HMCN1: variants seen among roughly 807,000 people sequenced by gnomAD.
HMCN1 encodes hemicentin 1, also known as hemicentin-1.
In HMCN1, 321 loss-of-function variants were observed where a neutral mutation model predicts 625.9. The observed-to-expected ratio is 0.51, with a 90% CI of 0.47 to 0.56. HMCN1 has a LOEUF of 0.56. HMCN1 is among the 20% of genes least tolerant of loss of function. HMCN1 has a pLI of 0.00. For missense variants in HMCN1, 6,588 were observed against 6,887.3 expected (o/e 0.96, Z 1.54); for synonymous variants, 2,425 against 2,417.6 (o/e 1.00, Z -0.09).
chr1:186,151,368 C>T lies in HMCN1; in HGVS notation c.14758+19C>T. 6.2e-7 allele frequency: 1 copy of T among 1,608,876 alleles called. No individual in the cohort carries two copies. Among genetic ancestry groups the T allele is most frequent in the East Asian group, 2.2e-5 (1 of 44,788 alleles). On this transcript the variant is annotated intron_variant, in intron 94 of 106. Coordinates refer to ENST00000271588, the MANE Select transcript of HMCN1 (RefSeq NM_031935.3). ...AGTCTTGGTAAGTCTTTGCCTCAAG[C>T]CTCTTTTTAAAAACTTATATATTAT...
intron 4 of HMCN1, among the ~76,000 whole-genome samples, chr1:185,902,417 A>ATCTATCTATC (rs1665867075): frequency 7.5e-6 from 1 of 132,966 alleles, no homozygotes; most frequent in African/African-American, 4.0e-5. Flanking sequence ...CTATCTATCT[A>ATCTATCTATC]TCTATCTATC....
intron 83 of HMCN1, 78 bp from the exon 84 acceptor site, chr1:186,129,888 A>G (rs1661835860): frequency 6.4e-7 from 1 of 1,558,492 alleles, no homozygotes; most frequent in African/African-American, 1.4e-5. Context: ...CATAAATCTA[A>G]TGTGCAAAAT....
chr1:186,160,340 T>G (rs1274053862), intron 97 of HMCN1, among the ~76,000 whole-genome samples: 12 of 148,842 alleles, frequency 8.1e-5, no homozygotes, highest in Non-Finnish European at 1.3e-4. Flanking sequence ...GCTAGTGGTC[T>G]ATCAATTTTG....
intron 60 of HMCN1, 64 bp from the exon 61 acceptor site, chr1:186,087,868 C>A: frequency 7.0e-7 from 1 of 1,422,984 alleles, no homozygotes; most frequent in Non-Finnish European, 9.9e-7. Flanking sequence ...AATCTAAACT[C>A]GAACAGTATG....
At position 185,734,907 on chromosome 1, in the gene HMCN1, C is replaced by T; in HGVS notation, c.128C>T (p.Ala43Val). The T allele has an allele frequency of 1.2e-6, 2 of 1,614,126 alleles. No homozygotes were observed. Among genetic ancestry groups the T allele is most frequent in the Non-Finnish European group, 8.5e-7 (1 of 1,180,022 alleles). The change falls in exon 1 of 107, where the codon GCT becomes GTT. Residue 43 changes from alanine to valine, a missense_variant. By Grantham distance (64) the Ala-to-Val change is moderately conservative. Transcript: ENST00000271588. ...ATTCCCGAGGGGGCCTCCACGTTGG[C>T]TTTTGTGTTTGATGTGACTGGTTCT... ...EEIPEGASTLAFVFDVTGSMY... is the reference protein window; with the variant it reads ...EEIPEGASTLVFVFDVTGSMY...
intron 97 of HMCN1, among the ~76,000 whole-genome samples, chr1:186,154,291 CA>C (rs1419606605): frequency 1.3e-5 from 2 of 152,158 alleles, no homozygotes; most frequent in African/African-American, 4.8e-5. Context: ...CCTGTAATCC[CA>C]GCACTTTGGG....
Position 186,136,706 on chromosome 1 carries a change from A to G in HMCN1, c.13351A>G (p.Ile4451Val), listed in dbSNP as rs747563456. 1.3e-5 allele frequency: 21 copies of G among 1,613,964 alleles called. No homozygotes were observed. The highest frequency in any genetic ancestry group is 1.7e-5 in the Non-Finnish European group (20 of 1,179,882). Residue 4451 changes from isoleucine (I) to valine (V), a missense_variant, in exon 87 of 107, where the codon ATT becomes GTT. Ile to Val is a conservative substitution (Grantham distance 29). Coordinates refer to ENST00000271588, the MANE Select transcript of HMCN1 (RefSeq NM_031935.3). ...IITLEPVETVINAGGKIILNC... is the reference protein window; with the variant it reads ...IITLEPVETVVNAGGKIILNC... Reference sequence around the variant, plus strand: ...CACTCTTGAGCCAGTGGAAACTGTTATTAATGCTGGTGGCAAAATCATATT... The same window carrying G: ...CACTCTTGAGCCAGTGGAAACTGTTGTTAATGCTGGTGGCAAAATCATATT...
At chr1:185,835,716 A>G (rs1661125410) in intron 1 of HMCN1, among the ~76,000 whole-genome samples, 1 of 152,192 alleles carries the variant, frequency 6.6e-6, no homozygotes, top group African/African-American at 2.4e-5. Context: ...ATTTACAATT[A>G]TATTGGATAT....
chr1:186,070,618 C>T lies in HMCN1; in HGVS notation c.8000C>T (p.Pro2667Leu). The T allele has an allele frequency of 6.2e-7, 1 of 1,611,798 alleles. No individual in the cohort carries two copies. Among genetic ancestry groups the T allele is most frequent in the Non-Finnish European group, 8.5e-7 (1 of 1,178,002 alleles). ...KHYEVKVYIP[P>L]IINKGDLWGP... ...TAATATTTATTTTATGCAGTTCCACCCATAATCAATAAAGGGGACCTTTGG... is the reference window on the plus strand; with the variant it reads ...TAATATTTATTTTATGCAGTTCCACTCATAATCAATAAAGGGGACCTTTGG... Residue 2667 changes from proline (P) to leucine (L), a missense_variant, in exon 52 of 107, where the codon CCC becomes CTC. By Grantham distance (98) the Pro-to-Leu change is moderately conservative. This residue lies in a region of HMCN1 where 4,628 missense variants were observed against 4,853.1 expected (regional missense o/e 0.95). Transcript: ENST00000271588.
intron 1 of HMCN1, among the ~76,000 whole-genome samples, chr1:185,818,324 A>G (rs1659969142): frequency 6.6e-6 from 1 of 152,110 alleles, no homozygotes; most frequent in Non-Finnish European, 1.5e-5. Context: ...TATTGAGTTG[A>G]AATCTGTTTG....
At chr1:186,156,694 G>A (rs567989555) in intron 97 of HMCN1, among the ~76,000 whole-genome samples, 16 of 152,252 alleles carry the variant, frequency 1.1e-4, no homozygotes, top group African/African-American at 3.6e-4. Flanking sequence ...TGCTTAGGAA[G>A]TTTTATCCAC....
chr1:186,077,730 G>A (rs1658916197), intron 54 of HMCN1, among the ~76,000 whole-genome samples: 1 of 152,132 alleles, frequency 6.6e-6, no homozygotes, highest in Non-Finnish European at 1.5e-5. Flanking sequence ...CTTGGATATT[G>A]CTTTCTCAAA....
chr1:185,936,411 G>A (rs1463862154), intron 11 of HMCN1, among the ~76,000 whole-genome samples: 1 of 151,996 alleles, frequency 6.6e-6, no homozygotes, highest in Non-Finnish European at 1.5e-5. Context: ...ATGTAAATAT[G>A]TATATAGAAC....
intron 100 of HMCN1, among the ~76,000 whole-genome samples, chr1:186,170,017 A>G (rs1482580705): frequency 6.6e-6 from 1 of 152,166 alleles, no homozygotes; most frequent in Non-Finnish European, 1.5e-5. Context: ...AAGGATATGA[A>G]CAGACACTTC....
At chr1:185,956,813 C>T (rs1485914514) in intron 11 of HMCN1, among the ~76,000 whole-genome samples, 1 of 152,210 alleles carries the variant, frequency 6.6e-6, no homozygotes, top group African/African-American at 2.4e-5. Flanking sequence ...TGGGGACCCC[C>T]AGTCACCAAT....
intron 2 of HMCN1, among the ~76,000 whole-genome samples, chr1:185,857,595 A>G (rs557281319): frequency 1.8e-4 from 27 of 152,002 alleles, no homozygotes; most frequent in Admixed American, 1.8e-3. Flanking sequence ...TGTGGGGGAG[A>G]GATCAAACAT....
chr1:186,154,003 A>G lies in HMCN1; in HGVS notation c.15256+16A>G. The stretch of plus-strand genomic sequence containing the variant: ...ATATCCAAAGGTAATTTGATAAAAG[A>G]AAATCCATATCTTTATGCCATCCAG... On this transcript the variant is annotated intron_variant, in intron 97 of 106. Coordinates refer to ENST00000271588, the MANE Select transcript of HMCN1 (RefSeq NM_031935.3). The G allele has an allele frequency of 4.4e-6, 7 of 1,591,382 alleles. No homozygotes were observed. The highest frequency in any genetic ancestry group is 4.3e-6 in the Non-Finnish European group (5 of 1,159,564).
At chr1:186,154,023 A>G in intron 97 of HMCN1, 36 bp downstream of exon 97, 1 of 1,541,548 alleles carries the variant, frequency 6.5e-7, no homozygotes, top group South Asian at 1.1e-5. Flanking sequence ...TCTTTATGCC[A>G]TCCAGTCTAA....
chr1:186,057,422 C>A, intron 46 of HMCN1, 21 bp downstream of exon 46: 1 of 1,533,824 alleles, frequency 6.5e-7, no homozygotes, highest in Non-Finnish European at 9.0e-7. Context: ...TTCTGGTAGC[C>A]TTATAATCTT....
Sources: gnomAD v4.1 joint callset for allele counts (sites outside exome capture counted in the v4.1 genomes callset) on GRCh38, gnomAD v4.1.1 for gene constraint, gnomAD v4.1.1 regional missense constraint, MANE v1.5 for transcripts, NCBI Gene and HGNC (gene_info 2026-07-23, HGNC 2026-07-21) for gene names.